Variants in CHD7 observed in about 807,000 individuals in gnomAD.
CHD7 encodes ATP-dependent chromatin remodeler CHD7.
CHD7 carries 24 observed loss-of-function variants against 307.3 expected under a neutral mutation model. That is an observed-to-expected ratio of 0.08 (90% confidence interval 0.06 to 0.11). The LOEUF (loss-of-function observed/expected upper bound fraction) is 0.11. CHD7 is among the 10% of genes least tolerant of loss of function. The pLI is 1.00. For missense variants in CHD7, 3,106 were observed against 3,727.1 expected, an observed-to-expected ratio of 0.83 and a Z score of 4.34; for synonymous variants, 1,363 against 1,349.9, an observed-to-expected ratio of 1.01 and a Z score of -0.21.
intron 15 of CHD7, among the ~76,000 whole-genome samples, chr8:60,831,493 T>C (rs546288140): frequency 2.6e-5 from 4 of 152,044 alleles, no homozygotes; most frequent in Non-Finnish European, 5.9e-5. Flanking sequence ...TGCTGCAGAA[T>C]TCCTTAAAGG....
At chr8:60,851,221 C>T (rs772134206) in intron 27 of CHD7, 41 bp from the exon 28 acceptor site, 3 of 1,529,880 alleles carry the variant, frequency 2.0e-6, no homozygotes, top group African/African-American at 2.8e-5. Context: ...AAAAATGAGA[C>T]CCCAAATTAA....
intron 28 of CHD7, 132 bp from the exon 29 acceptor site, chr8:60,851,887 A>T (rs1412754711): frequency 2.7e-5 from 16 of 592,396 alleles, no homozygotes; most frequent in Non-Finnish European, 4.7e-5. Context: ...TTTATATTTT[A>T]AAAATGAGGG....
chr8:60,824,461 T>C (rs991048711), intron 13 of CHD7: 6 of 175,686 alleles, frequency 3.4e-5, no homozygotes, highest in Admixed American at 1.2e-4. Context: ...TCTAAAAATA[T>C]CTGAAATCTG....
intron 2 of CHD7, among the ~76,000 whole-genome samples, chr8:60,753,349 G>A (rs1171168028): frequency 7.9e-5 from 12 of 152,132 alleles, no homozygotes; most frequent in Admixed American, 6.5e-4. Flanking sequence ...ATGCAACAAC[G>A]TGTCTTTCTT....
intron 2 of CHD7, among the ~76,000 whole-genome samples, chr8:60,753,334 C>T (rs916371734): frequency 1.3e-5 from 2 of 152,154 alleles, no homozygotes; most frequent in Non-Finnish European, 2.9e-5. Flanking sequence ...CTAACCTGAC[C>T]TCTGATGCAA....
intron 1 of CHD7, among the ~76,000 whole-genome samples, chr8:60,718,817 A>G (rs746168997): frequency 1.3e-5 from 2 of 152,192 alleles, no homozygotes; most frequent in Admixed American, 6.5e-5. Context: ...ACCCAGAGCA[A>G]CTTCTAGTTT....
chr8:60,807,899 C>CT (rs1812610711), intron 6 of CHD7, among the ~76,000 whole-genome samples: 1 of 152,256 alleles, frequency 6.6e-6, no homozygotes. Flanking sequence ...TTGGCGTCTA[C>CT]TTAACACTGT....
chr8:60,832,751 C>T (rs1195739877), intron 15 of CHD7, among the ~76,000 whole-genome samples: 2 of 152,160 alleles, frequency 1.3e-5, no homozygotes, highest in Non-Finnish European at 2.9e-5. Flanking sequence ...ATGCATTGAA[C>T]ATTGTGGGTT....
At chr8:60,721,597 G>A (rs1447238771) in intron 1 of CHD7, among the ~76,000 whole-genome samples, 1 of 152,188 alleles carries the variant, frequency 6.6e-6, no homozygotes, top group East Asian at 1.9e-4. Flanking sequence ...CAAAATGCTT[G>A]GTAAAGCAGA....
At chr8:60,844,532 G>T (rs1420514431) in intron 21 of CHD7, among the ~76,000 whole-genome samples, 1 of 152,154 alleles carries the variant, frequency 6.6e-6, no homozygotes, top group African/African-American at 2.4e-5. Context: ...ATGACAGTGT[G>T]AAGCAAAGTC....
chr8:60,694,719 C>T (rs536799572), intron 1 of CHD7, among the ~76,000 whole-genome samples: 1 of 152,332 alleles, frequency 6.6e-6, no homozygotes, highest in South Asian at 2.1e-4. Context: ...CTGCCACCCC[C>T]TGTTGCCCTC....
chr8:60,798,954 T>C (rs968171098), intron 4 of CHD7, among the ~76,000 whole-genome samples: 26 of 152,242 alleles, frequency 1.7e-4, no homozygotes, highest in Non-Finnish European at 2.9e-4. Context: ...CCTCTTGTTC[T>C]GTTCCATTTG....
In CHD7 at chr8:60,839,000, G is replaced by A. The variant is rs188698280; in HGVS notation, c.4533+745G>A. ...AATGCCTTTACCATATTACAGACTT[G>A]AGCAAATATTGCCACAATCTAAGTT... is the stretch of plus-strand genomic sequence containing the variant. On this transcript the variant is annotated intron_variant, in intron 19 of 37. Transcript: ENST00000423902. 2.2e-3 allele frequency among the ~76,000 whole-genome samples: 333 copies of A among 152,280 alleles called. 2 individuals are homozygous for A. The highest frequency in any genetic ancestry group is 7.8e-3 in the African/African-American group (323 of 41,548).
chr8:60,828,889 G>C, intron 14 of CHD7, 83 bp downstream of exon 14: 1 of 1,295,968 alleles, frequency 7.7e-7, no homozygotes, highest in Non-Finnish European at 1.1e-6. Context: ...TTATTTTAAA[G>C]TGTGATTATA....
chr8:60,724,758 T>G (rs1315475333), intron 1 of CHD7, among the ~76,000 whole-genome samples: 1 of 152,200 alleles, frequency 6.6e-6, no homozygotes, highest in Non-Finnish European at 1.5e-5. Context: ...ATCAATAATC[T>G]TTGAGAAGTG....
intron 1 of CHD7, among the ~76,000 whole-genome samples, chr8:60,711,279 G>A (rs1438199734): frequency 2.0e-5 from 3 of 152,184 alleles, no homozygotes; most frequent in East Asian, 1.9e-4. Flanking sequence ...GATAACTCCT[G>A]GGGAAAGCAT....
chr8:60,781,467 G>T, intron 3 of CHD7, 37 bp downstream of exon 3: 1 of 1,495,764 alleles, frequency 6.7e-7, no homozygotes, highest in South Asian at 1.4e-5. Context: ...GCAAAACATT[G>T]AGAGTACAGA....
rs886041167 is a variant in CHD7 at position 60,822,634 on chromosome 8, A to C, written c.3089A>C (p.Asn1030Thr). 1 of 1,613,928 alleles carries C rather than the reference A, an allele frequency of 6.2e-7. No homozygotes were observed. The highest frequency in any genetic ancestry group is 8.5e-7 in the Non-Finnish European group (1 of 1,179,792). Residue 1030 changes from asparagine to threonine, a missense_variant, in exon 12 of 38, where the codon AAC becomes ACC. Physicochemically the swap from Asn to Thr is moderately conservative, Grantham distance 65. This residue lies in a region of CHD7 where 232 missense variants were observed against 422.5 expected (regional missense o/e 0.55). Coordinates refer to ENST00000423902, the MANE Select transcript of CHD7 (RefSeq NM_017780.4). ...LVIAPLSTIP[N>T]WEREFRTWTE... ...ATTGCCCCATTGTCCACAATCCCCA[A>C]CTGGGAAAGGGAATTCCGAACCTGG...
In CHD7 at chr8:60,864,537, G is replaced by A. The variant is rs533116550; in HGVS notation, c.8077-479G>A. ...GAGATATTTTGTACAAGCACACAGT[G>A]CATAATGATCATGTTGGGTAGATGA... On this transcript the variant is annotated intron_variant, in intron 37 of 37. Coordinates refer to ENST00000423902, the MANE Select transcript of CHD7 (RefSeq NM_017780.4). 5 of 179,170 alleles carry A rather than the reference G, an allele frequency of 2.8e-5. No individual in the cohort carries two copies. The South Asian group carries it at 4.8e-4, about 17-fold the overall frequency. The allele number at this position is 179,170 out of a possible 1,614,324, so 11.1% of individuals were successfully genotyped here.
Sources: gnomAD v4.1 joint callset for allele counts (sites outside exome capture counted in the v4.1 genomes callset) on GRCh38, gnomAD v4.1.1 for gene constraint, gnomAD v4.1.1 regional missense constraint, MANE v1.5 for transcripts, NCBI Gene and HGNC (gene_info 2026-07-23, HGNC 2026-07-21) for gene names.